CIMIP5: variants seen among roughly 807,000 people sequenced by gnomAD.
CIMIP5 encodes the protein ciliary microtubule inner protein 5, also known as uncharacterized protein C2orf50.
the CIMIP5 span, among the ~76,000 whole-genome samples, chr2:11,139,948 G>T: frequency 1.1e-4 from 17 of 151,944 alleles, no homozygotes; most frequent in Non-Finnish European, 2.2e-4. Flanking sequence ...TTAGCCGGGT[G>T]TGGTGGCATG....
At chr2:11,134,987 C>G in the CIMIP5 span, among the ~76,000 whole-genome samples, 1 of 152,134 alleles carries the variant, frequency 6.6e-6, no homozygotes, top group Admixed American at 6.6e-5. Context: ...GCAGGCATGT[C>G]ACATGGTAAG....
chr2:11,144,037 C>A, the CIMIP5 span: 4 of 1,606,974 alleles, frequency 2.5e-6, no homozygotes, highest in Admixed American at 1.7e-5. Flanking sequence ...GGGACAGACT[C>A]TCATCCGCAT....
chr2:11,137,633 A>G, the CIMIP5 span, among the ~76,000 whole-genome samples: 1 of 152,180 alleles, frequency 6.6e-6, no homozygotes, highest in Non-Finnish European at 1.5e-5. Context: ...TTCCAGAACC[A>G]AAGAAATGCA....
the CIMIP5 span, among the ~76,000 whole-genome samples, chr2:11,137,905 G>C: frequency 6.6e-6 from 1 of 152,186 alleles, no homozygotes; most frequent in Non-Finnish European, 1.5e-5. Context: ...GAGTGCAGTG[G>C]TGCCATCTCG....
chr2:11,148,584 A>G, the CIMIP5 span, among the ~76,000 whole-genome samples: 2 of 152,008 alleles, frequency 1.3e-5, no homozygotes, highest in African/African-American at 4.8e-5. Flanking sequence ...GAAATGAAGA[A>G]CAGTAATAGG....
At chr2:11,134,709 G>T in the CIMIP5 span, among the ~76,000 whole-genome samples, 21 of 152,318 alleles carry the variant, frequency 1.4e-4, no homozygotes, top group Admixed American at 1.0e-3. Flanking sequence ...ATTTGTCAAT[G>T]GACTTTTAGG....
chr2:11,135,672 T>G, the CIMIP5 span, among the ~76,000 whole-genome samples: 1 of 151,334 alleles, frequency 6.6e-6, no homozygotes, highest in Non-Finnish European at 1.5e-5. Context: ...TTTTGGTTTT[T>G]TTTTTTTTTG....
the CIMIP5 span, among the ~76,000 whole-genome samples, chr2:11,135,674 T>A: frequency 2.0e-5 from 3 of 151,530 alleles, no homozygotes; most frequent in South Asian, 6.3e-4. Flanking sequence ...TTGGTTTTTT[T>A]TTTTTTTGAC....
the CIMIP5 span, chr2:11,145,365 A>C: frequency 6.6e-6 from 1 of 152,242 alleles, no homozygotes; most frequent in Non-Finnish European, 1.5e-5. Context: ...TTTTGGGCTC[A>C]AATGATCCTC....
chr2:11,141,626 A>G, the CIMIP5 span, among the ~76,000 whole-genome samples: 1 of 152,094 alleles, frequency 6.6e-6, no homozygotes. Context: ...CTCACCCGTT[A>G]TTTTGGTATT....
the CIMIP5 span, among the ~76,000 whole-genome samples, chr2:11,150,876 A>G: frequency 1.3e-5 from 2 of 151,954 alleles, no homozygotes; most frequent in Non-Finnish European, 2.9e-5. Flanking sequence ...CAAGAATTAA[A>G]AAAAAAAACA....
chr2:11,148,408 C>A, the CIMIP5 span, among the ~76,000 whole-genome samples: 2 of 152,062 alleles, frequency 1.3e-5, no homozygotes, highest in Non-Finnish European at 2.9e-5. Context: ...TGAGCCACTG[C>A]GCCCAGCCAA....
chr2:11,149,969 G>C, the CIMIP5 span, among the ~76,000 whole-genome samples: 1 of 152,070 alleles, frequency 6.6e-6, no homozygotes. Context: ...TTTTTGAGAC[G>C]GCGTCTCACC....
the CIMIP5 span, among the ~76,000 whole-genome samples, chr2:11,134,178 T>G: frequency 1.3e-5 from 2 of 151,778 alleles, no homozygotes; most frequent in Non-Finnish European, 2.9e-5. Flanking sequence ...GGAGGAGACA[T>G]TTAAGCTGAG....
At chr2:11,139,298 A>G in the CIMIP5 span, among the ~76,000 whole-genome samples, 1 of 152,228 alleles carries the variant, frequency 6.6e-6, no homozygotes, top group African/African-American at 2.4e-5. Flanking sequence ...GTAGAATCCT[A>G]TTATTTCAAA....
chr2:11,148,652 CATT>C, the CIMIP5 span, among the ~76,000 whole-genome samples: 7 of 150,524 alleles, frequency 4.7e-5, no homozygotes, highest in East Asian at 1.9e-4. Context: ...CACCAAATAA[CATT>C]AATAATAATA....
At chr2:11,140,458 G>A in the CIMIP5 span, 1 of 1,405,550 alleles carries the variant, frequency 7.1e-7, no homozygotes, top group Non-Finnish European at 9.8e-7. Flanking sequence ...AAAGTCATTG[G>A]TAAAAATGTC....
chr2:11,133,819 GC>G, the CIMIP5 span, among the ~76,000 whole-genome samples: 10 of 152,178 alleles, frequency 6.6e-5, no homozygotes, highest in Admixed American at 3.9e-4. Context: ...GGTCAGAGCA[GC>G]CCCACCTCGT....
At chr2:11,137,654 G>T in the CIMIP5 span, among the ~76,000 whole-genome samples, 5 of 152,184 alleles carry the variant, frequency 3.3e-5, no homozygotes, top group Non-Finnish European at 5.9e-5. Context: ...TGAGTCCACA[G>T]ATATTGGAGT....
Sources: allele counts gnomAD v4.1 joint callset (sites outside exome capture counted in the v4.1 genomes callset), GRCh38; gene constraint gnomAD v4.1.1; transcripts MANE v1.5; gene names NCBI Gene and HGNC (gene_info 2026-07-23, HGNC 2026-07-21).